FBXL17: variants seen among roughly 807,000 people sequenced by gnomAD.
FBXL17 encodes the protein F-box/LRR-repeat protein 17.
In FBXL17, 22 loss-of-function variants were observed where a neutral mutation model predicts 66.2. The ratio of observed to expected loss-of-function variants is 0.33; its 90% CI spans 0.24 to 0.47. The LOEUF (loss-of-function observed/expected upper bound fraction) is 0.47, where lower values mean the gene tolerates loss of function less well. Ranked by LOEUF, FBXL17 falls within the 20% of genes least tolerant of loss-of-function variation. The probability of loss-of-function intolerance (pLI) is 1.00; values close to 1 mark genes in which losing one functional copy is unlikely to be tolerated. For synonymous variants in FBXL17, 474 were observed against 400.5 expected, an observed-to-expected ratio of 1.18 and a Z score of -2.19; for missense variants, 878 against 948.2, an observed-to-expected ratio of 0.93 and a Z score of 0.97.
At position 108,194,179 on chromosome 5, in the gene FBXL17, A is replaced by G. The variant is rs189446057; in HGVS notation, c.1615-7932T>C. Among the ~76,000 whole-genome samples, 10 of 152,190 alleles carry G rather than the reference A, an allele frequency of 6.6e-5. No homozygotes were observed. The East Asian group carries it at 1.9e-3, about 29-fold the overall frequency. On this transcript the variant is annotated intron_variant, in intron 5 of 8. Transcript: ENST00000542267. ...CCTGAAATCTGTTAAGCCAACTGGG[A>G]TCTCTTTCCCCAGATTTTGAGAAGT...
intron 4 of FBXL17, among the ~76,000 whole-genome samples, chr5:108,275,235 C>T (rs1277674842): frequency 6.6e-6 from 1 of 152,212 alleles, no homozygotes; most frequent in Non-Finnish European, 1.5e-5. Flanking sequence ...GTCTGGTTGA[C>T]TAAGGCACTG....
intron 7 of FBXL17, among the ~76,000 whole-genome samples, chr5:107,913,577 G>A (rs1452219647): frequency 6.6e-6 from 1 of 151,852 alleles, no homozygotes; most frequent in Non-Finnish European, 1.5e-5. Context: ...GCTCCCCTGA[G>A]AATTTTTGAA....
intron 6 of FBXL17, among the ~76,000 whole-genome samples, chr5:108,108,485 C>T (rs1041502621): frequency 9.2e-5 from 14 of 152,092 alleles, no homozygotes; most frequent in Middle Eastern, 6.8e-3. Flanking sequence ...ATATCTAGCA[C>T]GTTTAAAGGT....
chr5:108,193,628 C>A (rs946611901), intron 5 of FBXL17, among the ~76,000 whole-genome samples: 4 of 152,078 alleles, frequency 2.6e-5, no homozygotes, highest in Admixed American at 2.6e-4. Context: ...TCTAAATAAG[C>A]CACATTCATT....
At chr5:107,956,499 C>T (rs930544535) in intron 7 of FBXL17, among the ~76,000 whole-genome samples, 2 of 152,102 alleles carry the variant, frequency 1.3e-5, no homozygotes, top group African/African-American at 4.8e-5. Context: ...TCCAGTTTTT[C>T]CCTTTATAAT....
chr5:108,339,826 G>A (rs1472185397), intron 4 of FBXL17, among the ~76,000 whole-genome samples: 3 of 152,016 alleles, frequency 2.0e-5, no homozygotes, highest in African/African-American at 2.4e-5. Flanking sequence ...TTAATACTAA[G>A]CTAGCTTCCT....
intron 7 of FBXL17, among the ~76,000 whole-genome samples, chr5:107,978,146 A>G (rs1434717284): frequency 6.6e-6 from 1 of 152,214 alleles, no homozygotes; most frequent in Non-Finnish European, 1.5e-5. Flanking sequence ...AGGGACTGAA[A>G]CTGCCTTTGC....
intron 5 of FBXL17, among the ~76,000 whole-genome samples, chr5:108,211,589 T>C (rs894612276): frequency 6.6e-6 from 1 of 152,228 alleles, no homozygotes; most frequent in Non-Finnish European, 1.5e-5. Context: ...TTATGAAGCT[T>C]AGTTTGGCTG....
intron 7 of FBXL17, among the ~76,000 whole-genome samples, chr5:107,994,974 C>T (rs917872881): frequency 6.6e-6 from 1 of 152,130 alleles, no homozygotes; most frequent in Admixed American, 6.5e-5. Flanking sequence ...TGGTTACCCT[C>T]GGGGTAGGGT....
chr5:107,862,191 G>T (rs1748141911), intron 8 of FBXL17, among the ~76,000 whole-genome samples: 1 of 152,150 alleles, frequency 6.6e-6, no homozygotes, highest in African/African-American at 2.4e-5. Context: ...GAAGCAGTAA[G>T]ATAGCTAATG....
At chr5:108,281,336 TA>T (rs1468500280) in intron 4 of FBXL17, among the ~76,000 whole-genome samples, 1 of 151,768 alleles carries the variant, frequency 6.6e-6, no homozygotes, top group Non-Finnish European at 1.5e-5. Context: ...CACAGTAGAA[TA>T]AAACTAGAAA....
chr5:107,906,309 C>T (rs921223953), intron 7 of FBXL17, among the ~76,000 whole-genome samples: 2 of 151,878 alleles, frequency 1.3e-5, no homozygotes, highest in Admixed American at 1.3e-4. Context: ...TATACTAATG[C>T]TTAATTGATA....
At chr5:107,977,397 T>C (rs180748907) in intron 7 of FBXL17, among the ~76,000 whole-genome samples, 205 of 152,352 alleles carry the variant, frequency 1.3e-3, no homozygotes, top group Non-Finnish European at 2.3e-3. Flanking sequence ...TGCTAAACTT[T>C]CAACAATCTT....
chr5:108,365,118 CA>C, intron 2 of FBXL17, 123 bp from the exon 3 acceptor site: 1 of 650,814 alleles, frequency 1.5e-6, no homozygotes, highest in Non-Finnish European at 2.5e-6. Context: ...ACGATATAAT[CA>C]AAAGAGAAAC....
chr5:108,064,991 A>G (rs1748062992), intron 6 of FBXL17, among the ~76,000 whole-genome samples: 1 of 152,116 alleles, frequency 6.6e-6, no homozygotes. Flanking sequence ...TTACATATAA[A>G]AGCTACAACA....
chr5:107,863,646 G>T (rs906507701), intron 8 of FBXL17, among the ~76,000 whole-genome samples: 2 of 152,134 alleles, frequency 1.3e-5, no homozygotes, highest in Non-Finnish European at 1.5e-5. Context: ...TCCAATCTAA[G>T]ATCTATAAGA....
intron 7 of FBXL17, among the ~76,000 whole-genome samples, chr5:107,890,464 C>A (rs953702317): frequency 6.6e-6 from 1 of 151,620 alleles, no homozygotes; most frequent in Admixed American, 6.6e-5. Flanking sequence ...GAGTTCAAGA[C>A]CAGCCTGGGC....
chr5:107,972,229 T>C (rs1236211241), intron 7 of FBXL17, among the ~76,000 whole-genome samples: 1 of 152,186 alleles, frequency 6.6e-6, no homozygotes, highest in Non-Finnish European at 1.5e-5. Flanking sequence ...GTGTACTTAT[T>C]TACAGAGAGG....
chr5:108,287,181 C>A (rs1266830780), intron 4 of FBXL17, among the ~76,000 whole-genome samples: 1 of 151,808 alleles, frequency 6.6e-6, no homozygotes, highest in Non-Finnish European at 1.5e-5. Context: ...GAAAGATAAC[C>A]TAAGAAATAC....
Sources: allele counts gnomAD v4.1 joint callset (sites outside exome capture counted in the v4.1 genomes callset), GRCh38; gene constraint gnomAD v4.1.1; transcripts MANE v1.5; gene names NCBI Gene and HGNC (gene_info 2026-07-23, HGNC 2026-07-21).